Variants in PHLPP1 observed in about 807,000 individuals in gnomAD.
PHLPP1 encodes the protein PH domain leucine-rich repeat-containing protein phosphatase 1.
In PHLPP1, 42 loss-of-function variants were observed where a neutral mutation model predicts 117.2. That is an observed-to-expected ratio of 0.36 (90% CI 0.28 to 0.46). PHLPP1 has a LOEUF of 0.46. Among genes scored for constraint, PHLPP1 ranks in the 20% least tolerant of loss-of-function variants. PHLPP1 has a pLI of 1.00. For synonymous variants in PHLPP1, 1,042 were observed against 970.7 expected (o/e 1.07, Z -1.37); for missense variants, 2,084 against 2,241.9 (o/e 0.93, Z 1.42).
intron 3 of PHLPP1, among the ~76,000 whole-genome samples, chr18:62,849,830 A>ATATATATATATATATATATATATATATAT (rs1465429883): frequency 3.8e-4 from 8 of 21,204 alleles, no homozygotes; most frequent in Admixed American, 1.3e-3. Flanking sequence ...AAAAAAAAAA[A>ATATATATATATATATATATATATATATAT]AAATATATAT....
chr18:62,733,745 G>A (rs1911291587), intron 1 of PHLPP1, among the ~76,000 whole-genome samples: 1 of 152,178 alleles, frequency 6.6e-6, no homozygotes, highest in African/African-American at 2.4e-5. Flanking sequence ...TAGCAGGAAT[G>A]GGGAGAGAGA....
intron 1 of PHLPP1, among the ~76,000 whole-genome samples, chr18:62,781,234 A>G (rs1325220091): frequency 1.3e-5 from 2 of 152,230 alleles, no homozygotes; most frequent in Admixed American, 1.3e-4. Context: ...TGCTCCGTAG[A>G]TACTCAATAA....
chr18:62,945,250 T>C lies in PHLPP1; in HGVS notation c.3303T>C (p.Val1101=), dbSNP rs1910246157. 12 of 1,604,700 alleles carry C rather than the reference T, an allele frequency of 7.5e-6. No homozygotes were observed. The highest frequency in any genetic ancestry group is 1.0e-5 in the Non-Finnish European group (12 of 1,177,182). Residue 1101 remains valine (V), a synonymous_variant, in exon 12 of 17, where the codon GTT becomes GTC. Transcript: ENST00000262719. ...ACTGCATCGAGGTCTTTCCCGAAGT[T>C]ATGCAGCTCCCAGAGATCAAGGTAT... is the stretch of plus-strand genomic sequence containing the variant. ...HSNCIEVFPE[V]MQLPEIKCVD...
intron 1 of PHLPP1, among the ~76,000 whole-genome samples, chr18:62,788,608 C>T (rs1448960521): frequency 6.6e-6 from 1 of 151,874 alleles, no homozygotes; most frequent in African/African-American, 2.4e-5. Flanking sequence ...GTTCAGTCTA[C>T]CAAGGTGTGT....
intron 4 of PHLPP1, chr18:62,889,558 CTTCCTCCAGCTCCA>C (rs1224167430): frequency 6.6e-6 from 1 of 152,352 alleles, no homozygotes; most frequent in Non-Finnish European, 1.5e-5. Context: ...TCTTCTCTTC[CTTCCTCCAGCTCCA>C]TTCCTCACCG....
rs80129225 is a variant in PHLPP1 at position 62,978,265 on chromosome 18, G to A, written c.3988G>A (p.Gly1330Ser). The stretch of plus-strand genomic sequence containing the variant: ...CTGCAAACCCTTGTTCTTCCAGGAT[G>A]GCAAGGTGAACGGAGTGACTGAGTC... ...KQHKAIITED[G>S]KVNGVTESTR... Residue 1330 changes from glycine (G) to serine (S), a missense_variant, in exon 17 of 17, where the codon GGC (glycine) becomes AGC (serine). Gly to Ser is a moderately conservative substitution (Grantham distance 56). Around this residue, in one of 2 missense-constraint regions of PHLPP1, gnomAD observed 1,365 missense variants for 1,605.9 expected, o/e 0.85. Transcript: ENST00000262719. This position sits in a 1 kb window ranked among gnomAD's most constrained non-coding sequence, Gnocchi z 7.0. 642 of 1,586,548 alleles carry A rather than the reference G, an allele frequency of 4.0e-4. 1 individual carries two copies. The African/African-American group carries it at 7.1e-3, about 18-fold the overall frequency.
chr18:62,719,628 A>G (rs1174974935), intron 1 of PHLPP1, among the ~76,000 whole-genome samples: 1 of 152,162 alleles, frequency 6.6e-6, no homozygotes, highest in African/African-American at 2.4e-5. Context: ...TTTAGATGAC[A>G]TCTTTTACAG....
At position 62,732,474 on chromosome 18, in the gene PHLPP1, A is replaced by G. The variant is rs920545404; in HGVS notation, c.1576+15215A>G. ...CAGAAAAAGAAAAGATTCCTTTCAA[A>G]ATATTACTGCCCACTGAAAATGTAC... On this transcript the variant is annotated intron_variant, in intron 1 of 16. Transcript: ENST00000262719. Among the ~76,000 whole-genome samples the G allele has an allele frequency of 3.2e-4, 48 of 152,330 alleles. 1 individual carries two copies. Among genetic ancestry groups the G allele is most frequent in the Admixed American group, 3.0e-3 (46 of 15,300 alleles).
At chr18:62,972,450 C>A in intron 14 of PHLPP1, 64 bp from the exon 15 acceptor site, 1 of 1,427,700 alleles carries the variant, frequency 7.0e-7, no homozygotes, top group South Asian at 1.3e-5. Flanking sequence ...TTGAAATAAG[C>A]ACTGGGCTGG....
intron 1 of PHLPP1, among the ~76,000 whole-genome samples, chr18:62,799,855 T>C (rs1360351871): frequency 6.6e-6 from 1 of 152,190 alleles, no homozygotes; most frequent in Non-Finnish European, 1.5e-5. Flanking sequence ...TTTTCCTCTT[T>C]TTAACAAGTA....
intron 11 of PHLPP1, among the ~76,000 whole-genome samples, chr18:62,942,249 G>A (rs1910150544): frequency 6.6e-6 from 1 of 152,088 alleles, no homozygotes; most frequent in South Asian, 2.1e-4. Context: ...AGCCAGGTGT[G>A]GCAGTGCGTG....
chr18:62,752,255 C>T (rs966103367), intron 1 of PHLPP1, among the ~76,000 whole-genome samples: 1 of 152,068 alleles, frequency 6.6e-6, no homozygotes, highest in South Asian at 2.1e-4. Flanking sequence ...CCCCCCGCGC[C>T]CCCACCCAGT....
intron 1 of PHLPP1, among the ~76,000 whole-genome samples, chr18:62,746,257 C>G (rs548493236): frequency 6.6e-6 from 1 of 152,184 alleles, no homozygotes; most frequent in South Asian, 2.1e-4. Flanking sequence ...GTTGGTCAGG[C>G]TGGTCTCGAA....
chr18:62,867,793 A>G (rs73458288), intron 4 of PHLPP1, among the ~76,000 whole-genome samples: 4,999 of 152,088 alleles, frequency 0.033, 298 homozygotes, highest in African/African-American at 0.11. Context: ...AAAGAGAGGA[A>G]GAATCTCAAG....
intron 4 of PHLPP1, among the ~76,000 whole-genome samples, chr18:62,862,672 A>T (rs1915662283): frequency 6.6e-6 from 1 of 152,180 alleles, no homozygotes; most frequent in African/African-American, 2.4e-5. Context: ...ACATAATCAG[A>T]TAAGTGTTTT....
At chr18:62,763,298 T>G (rs985250521) in intron 1 of PHLPP1, among the ~76,000 whole-genome samples, 1 of 152,194 alleles carries the variant, frequency 6.6e-6, no homozygotes, top group Non-Finnish European at 1.5e-5. Context: ...AAGTATATAG[T>G]GTGAAACCTG....
chr18:62,899,425 C>T (rs773329900), intron 6 of PHLPP1, among the ~76,000 whole-genome samples: 2 of 152,120 alleles, frequency 1.3e-5, no homozygotes, highest in African/African-American at 2.4e-5. Flanking sequence ...ATTGCTTCCT[C>T]GCACCTGCTT....
chr18:62,782,499 A>G (rs1056704539), intron 1 of PHLPP1, among the ~76,000 whole-genome samples: 1 of 152,360 alleles, frequency 6.6e-6, no homozygotes, highest in Non-Finnish European at 1.5e-5. Flanking sequence ...TCTGCCATAT[A>G]TATTCTTGCT....
intron 1 of PHLPP1, among the ~76,000 whole-genome samples, chr18:62,740,327 T>C (rs1292309401): frequency 6.6e-6 from 1 of 152,224 alleles, no homozygotes; most frequent in Non-Finnish European, 1.5e-5. Flanking sequence ...ATTTGATTTT[T>C]TTCTTATGAC....
Sources: allele counts gnomAD v4.1 joint callset (sites outside exome capture counted in the v4.1 genomes callset), GRCh38; gene constraint gnomAD v4.1.1; regional missense constraint gnomAD v4.1.1; non-coding constraint Gnocchi (gnomAD v3.1); transcripts MANE v1.5; gene names NCBI Gene and HGNC (gene_info 2026-07-23, HGNC 2026-07-21).